The following RNF126 variants were observed in gnomAD, a reference collection of about 807,000 sequenced individuals.
RNF126 encodes the protein ring finger protein 126.
RNF126 carries 20 observed loss-of-function variants against 41.9 expected under a neutral mutation model. The ratio of observed to expected loss-of-function variants is 0.48; its 90% CI spans 0.34 to 0.69. RNF126 has a LOEUF of 0.69. Ranked by LOEUF, RNF126 falls within the 30% of genes least tolerant of loss-of-function variation. The probability of loss-of-function intolerance (pLI) is 0.01; values close to 1 mark genes in which losing one functional copy is unlikely to be tolerated. For missense variants in RNF126, 433 were observed against 460.6 expected (o/e 0.94, Z 0.55); for synonymous variants, 239 against 202.9 (o/e 1.18, Z -1.51).
chr19:659,882 GCCT>G lies in RNF126; in HGVS notation c.75+3162_75+3164del, dbSNP rs1166224462. On this transcript the variant is annotated intron_variant, in intron 1 of 8. Coordinates refer to ENST00000292363, the MANE Select transcript of RNF126 (RefSeq NM_194460.3). This position sits in a 1 kb window ranked among gnomAD's most constrained non-coding sequence, Gnocchi z 4.9. ...AGGTTCAAGCAATTCTCCCGCCTCA[GCCT>G]CCTAAGTCACTGGGACTACAGGTGC... Among the ~76,000 whole-genome samples, 1 of 151,580 alleles carries G rather than the reference GCCT, an allele frequency of 6.6e-6. No individual in the cohort carries two copies. The highest frequency in any genetic ancestry group is 2.4e-5 in the African/African-American group (1 of 41,174).
rs541011725 is a variant in RNF126 at position 653,880 on chromosome 19, C to T, written c.76-996G>A. Among the ~76,000 whole-genome samples the T allele has an allele frequency of 2.6e-5, 4 of 152,360 alleles. No individual in the cohort carries two copies. In the East Asian group the frequency reaches 5.8e-4, roughly 22 times the overall value. On this transcript the variant is annotated intron_variant, in intron 1 of 8. Coordinates refer to ENST00000292363, the MANE Select transcript of RNF126 (RefSeq NM_194460.3). ...TCACATGGGGGTCCCAAGACCACCC[C>T]CAGGTAACACAGACAAAAACAGGAG...
chr19:655,890 G>C (rs1317128234), intron 1 of RNF126, among the ~76,000 whole-genome samples: 1 of 152,090 alleles, frequency 6.6e-6, no homozygotes, highest in Non-Finnish European at 1.5e-5. Flanking sequence ...GCGGGGGGGA[G>C]GGGGGATTGC....
At chr19:649,223 G>GGA (rs536448565) in intron 6 of RNF126, 2 of 258,442 alleles carry the variant, frequency 7.7e-6, no homozygotes, top group Non-Finnish European at 1.4e-5. Flanking sequence ...AGCGGAATGG[G>GGA]GGGGGGGGCC....
chr19:650,578 C>T (rs111801226), intron 4 of RNF126: 10,526 of 200,860 alleles, frequency 0.052, 319 homozygotes, highest in African/African-American at 0.092. Flanking sequence ...CCACCACTCT[C>T]GGCTACTTTT....
chr19:649,028 G>T, intron 6 of RNF126, 53 bp from the exon 7 acceptor site: 2 of 894,412 alleles, frequency 2.2e-6, no homozygotes, highest in Non-Finnish European at 3.1e-6. Context: ...CCGGCCCGGG[G>T]CTCTGAAACG....
rs1468431671 is a variant in RNF126 at position 649,688 on chromosome 19, G to A, written c.567C>T (p.Ile189=). The A allele has an allele frequency of 1.3e-6, 2 of 1,565,862 alleles. No individual in the cohort carries two copies. The highest frequency in any genetic ancestry group is 1.7e-6 in the Non-Finnish European group (2 of 1,153,796). ...CGTGGCCACGCTGTACCTGTGTGAT[G>A]ATGGCATCCAGGCCGTTGGCCCCCC... ...YAWGANGLDA[I]ITQLLNQFEN... is the part of the protein sequence containing the mutation. The change falls in exon 6 of 9, where the codon ATC becomes ATT. Residue 189 remains isoleucine (I), a synonymous_variant. Transcript: ENST00000292363.
rs2030347441 is a variant in RNF126, at chr19:652,300, G to A, written c.135-4C>T. ...GGCAGAACCATTTTCTGTGCTCCTG[G>A]GGAGAGAGTGCAGGTCAGCAGTGCC... On this transcript the variant is annotated splice_polypyrimidine_tract_variant and splice_region_variant and intron_variant, in intron 2 of 8. Coordinates refer to ENST00000292363, the MANE Select transcript of RNF126 (RefSeq NM_194460.3). 8.3e-6 allele frequency: 13 copies of A among 1,558,220 alleles called. No homozygotes were observed. Among genetic ancestry groups the A allele is most frequent in the Non-Finnish European group, 9.5e-6 (11 of 1,157,616 alleles).
intron 1 of RNF126, among the ~76,000 whole-genome samples, chr19:653,972 A>T (rs1355061503): frequency 1.3e-5 from 2 of 152,016 alleles, no homozygotes; most frequent in Non-Finnish European, 2.9e-5. Flanking sequence ...GGCTCTGGGG[A>T]TGCAGGTTGC....
At chr19:654,301 G>A (rs975372807) in intron 1 of RNF126, among the ~76,000 whole-genome samples, 12 of 152,202 alleles carry the variant, frequency 7.9e-5, no homozygotes, top group Non-Finnish European at 1.2e-4. Flanking sequence ...TGGTGAGGCC[G>A]GGAGGCACCA....
chr19:649,138 C>T (rs1003746565), intron 6 of RNF126, 163 bp from the exon 7 acceptor site: 14 of 381,826 alleles, frequency 3.7e-5, no homozygotes, highest in Admixed American at 4.4e-5. Flanking sequence ...GGAGCCCACG[C>T]GGCCCCCCCG....
Position 663,097 on chromosome 19 carries a change from C to T in RNF126, c.25G>A (p.Gly9Arg). Residue 9 changes from glycine (G) to arginine (R), a missense_variant, in exon 1 of 9, where the codon GGA becomes AGA. Physicochemically the swap from Gly to Arg is moderately radical, Grantham distance 125 (BLOSUM62 -2). Transcript: ENST00000292363. MAEASPHP[G>R]RYFCHCCSVE... is the part of the protein sequence containing the mutation. ...GAGCAGCAGTGGCAGAAGTACCGTC[C>T]GGGATGCGGCGACGCCTCGGCCATG... 1 of 1,345,008 alleles carries T rather than the reference C, an allele frequency of 7.4e-7. No homozygotes were observed. Among genetic ancestry groups the T allele is most frequent in the Non-Finnish European group, 9.6e-7 (1 of 1,041,642 alleles). 83.3% of individuals were successfully genotyped at this position (1,345,008 alleles called of 1,614,324 possible).
chr19:649,897 C>A (rs1448805597), intron 5 of RNF126, 149 bp from the exon 6 acceptor site: 4 of 602,080 alleles, frequency 6.6e-6, no homozygotes, highest in Non-Finnish European at 1.2e-5. Context: ...GGGACAGGCA[C>A]CCCCACCCAC....
chr19:647,966 G>T lies in RNF126; in HGVS notation c.*162C>A, dbSNP rs1289022818. The T allele has an allele frequency of 4.6e-6, 4 of 871,158 alleles. No homozygotes were observed. Among genetic ancestry groups the T allele is most frequent in the Non-Finnish European group, 6.8e-6 (4 of 585,660 alleles). 54.0% of individuals were successfully genotyped at this position (871,158 alleles called of 1,614,324 possible). A position where few individuals can be genotyped will look rare whatever the true frequency, so the allele number is the denominator to read the frequency against. ...TGGCCCACGCCTTCCCAAGCCAGGGGGCCGGTGGGCCGGGCCCGGGTCCTG... is the reference window on the plus strand; with the variant it reads ...TGGCCCACGCCTTCCCAAGCCAGGGTGCCGGTGGGCCGGGCCCGGGTCCTG... On this transcript the variant is annotated 3_prime_UTR_variant, in exon 9 of 9. Transcript: ENST00000292363.
chr19:648,042 C>G lies in RNF126; in HGVS notation c.*86G>C. 1 of 1,411,048 alleles carries G rather than the reference C, an allele frequency of 7.1e-7. No homozygotes were observed. Among genetic ancestry groups the G allele is most frequent in the Non-Finnish European group, 9.4e-7 (1 of 1,068,452 alleles). The allele number at this position is 1,411,048 out of a possible 1,614,324, so 87.4% of individuals were successfully genotyped here. ...GCTGACCAGCCAAGCGTGGCGCCGC[C>G]GGGGCACCCAGTCTGTGGGTGCCGT... On this transcript the variant is annotated 3_prime_UTR_variant, in exon 9 of 9. Transcript: ENST00000292363.
At position 661,650 on chromosome 19, in the gene RNF126, C is replaced by T. The variant is rs576805612; in HGVS notation, c.75+1397G>A. ...CTAGCACTCGCTCCTCCTCTGTGAC[C>T]CAGAGACAGGCGGCTTCTCCTGACT... On this transcript the variant is annotated intron_variant, in intron 1 of 8. Transcript: ENST00000292363. Among the ~76,000 whole-genome samples, 47 of 152,294 alleles carry T rather than the reference C, an allele frequency of 3.1e-4. 1 individual carries two copies. In the South Asian group the frequency reaches 9.1e-3, roughly 30 times the overall value.
At chr19:649,016 G>A (rs2030122419) in intron 6 of RNF126, 41 bp from the exon 7 acceptor site, 2 of 1,042,364 alleles carry the variant, frequency 1.9e-6, no homozygotes, top group Admixed American at 3.6e-5. Flanking sequence ...CTCCTCGGGG[G>A]CCCGGCCCGG....
rs1037518633 is a variant in RNF126 at position 657,250 on chromosome 19, C to T, written c.76-4366G>A. ...AAGCACGAGGCCCTGCACACGCCCACGTGGCCTGGCACAGCGCTCGGCCGC... is the reference window on the plus strand; with the variant it reads ...AAGCACGAGGCCCTGCACACGCCCATGTGGCCTGGCACAGCGCTCGGCCGC... On this transcript the variant is annotated intron_variant, in intron 1 of 8. Coordinates refer to ENST00000292363, the MANE Select transcript of RNF126 (RefSeq NM_194460.3). 6.6e-5 allele frequency among the ~76,000 whole-genome samples: 10 copies of T among 152,356 alleles called. 1 individual carries two copies. The highest frequency in any genetic ancestry group is 4.1e-4 in the South Asian group (2 of 4,832).
intron 1 of RNF126, among the ~76,000 whole-genome samples, chr19:655,260 A>G (rs887804635): frequency 1.3e-5 from 2 of 151,532 alleles, no homozygotes; most frequent in Non-Finnish European, 2.9e-5. Flanking sequence ...AGTCCAGGAG[A>G]TCGAGACCGC....
chr19:660,811 C>T (rs1459947383), intron 1 of RNF126, among the ~76,000 whole-genome samples: 1 of 152,172 alleles, frequency 6.6e-6, no homozygotes. Context: ...TTGTTTTAGT[C>T]TTCTGTAGAG....
Sources: allele counts gnomAD v4.1 joint callset (sites outside exome capture counted in the v4.1 genomes callset), GRCh38; gene constraint gnomAD v4.1.1; non-coding constraint Gnocchi (gnomAD v3.1); transcripts MANE v1.5; gene names NCBI Gene and HGNC (gene_info 2026-07-23, HGNC 2026-07-21).